The following PPARGC1A variants were observed in gnomAD, a reference collection of about 807,000 sequenced individuals.
PPARGC1A encodes peroxisome proliferator-activated receptor gamma coactivator 1-alpha.
In PPARGC1A, 25 loss-of-function variants were observed where a neutral mutation model predicts 88.7. The observed-to-expected ratio is 0.28, with a 90% CI of 0.21 to 0.39. The LOEUF (loss-of-function observed/expected upper bound fraction) is 0.39. Ranked by LOEUF, PPARGC1A falls within the 10% of genes least tolerant of loss-of-function variation. PPARGC1A has a pLI of 1.00. For missense variants in PPARGC1A, 880 were observed against 968.7 expected (o/e 0.91, Z 1.22); for synonymous variants, 363 against 355.6 (o/e 1.02, Z -0.24).
chr4:23,924,986 A>G, the PPARGC1A span, among the ~76,000 whole-genome samples: 4 of 152,254 alleles, frequency 2.6e-5, no homozygotes, highest in South Asian at 2.1e-4. Context: ...TTATCTTTTG[A>G]AAAGTATGAA....
chr4:24,434,195 C>T, the PPARGC1A span, among the ~76,000 whole-genome samples: 33 of 152,304 alleles, frequency 2.2e-4, no homozygotes, highest in African/African-American at 6.0e-4. Flanking sequence ...TTGCTATGAA[C>T]TCACCACCTC....
intron 4 of PPARGC1A, 82 bp from the exon 5 acceptor site, chr4:23,828,686 A>AT: frequency 7.7e-7 from 1 of 1,295,830 alleles, no homozygotes; most frequent in South Asian, 1.3e-5. Context: ...GAGAGATGGG[A>AT]TTTTTCAATG....
chr4:24,289,533 C>T, the PPARGC1A span, among the ~76,000 whole-genome samples: 4 of 152,204 alleles, frequency 2.6e-5, no homozygotes, highest in South Asian at 2.1e-4. Context: ...AATAACTTCA[C>T]GTGTTCATGT....
chr4:24,253,647 C>T, the PPARGC1A span, among the ~76,000 whole-genome samples: 1 of 152,184 alleles, frequency 6.6e-6, no homozygotes, highest in African/African-American at 2.4e-5. Context: ...AAAAGTGAGA[C>T]ATCTAGGACA....
chr4:23,813,570 C>T (rs986730787), intron 8 of PPARGC1A, 120 bp downstream of exon 8: 6 of 879,488 alleles, frequency 6.8e-6, no homozygotes, highest in South Asian at 5.8e-5. Flanking sequence ...CCAGCAGTGC[C>T]AGAATTGCAG....
the PPARGC1A span, among the ~76,000 whole-genome samples, chr4:24,199,957 G>A: frequency 6.6e-6 from 1 of 151,776 alleles, no homozygotes; most frequent in African/African-American, 2.4e-5. Flanking sequence ...AAAACTGAGG[G>A]GAAAACCTAC....
the PPARGC1A span, among the ~76,000 whole-genome samples, chr4:23,950,567 AT>A: frequency 6.6e-6 from 1 of 152,096 alleles, no homozygotes; most frequent in Non-Finnish European, 1.5e-5. Flanking sequence ...CAGGGTTCAA[AT>A]CCAGCTTCCT....
the PPARGC1A span, among the ~76,000 whole-genome samples, chr4:24,442,813 C>T: frequency 5.9e-5 from 9 of 152,262 alleles, no homozygotes; most frequent in African/African-American, 2.2e-4. Context: ...TAAATGTTCA[C>T]TTCTATTAAG....
chr4:24,325,895 G>C, the PPARGC1A span, among the ~76,000 whole-genome samples: 1 of 152,020 alleles, frequency 6.6e-6, no homozygotes, highest in African/African-American at 2.4e-5. Flanking sequence ...CCCAACTCTG[G>C]TGGCACCAAC....
the PPARGC1A span, among the ~76,000 whole-genome samples, chr4:24,146,692 A>G: frequency 6.6e-6 from 1 of 152,208 alleles, no homozygotes; most frequent in Non-Finnish European, 1.5e-5. Flanking sequence ...GGCCAACACC[A>G]GACCTTAACA....
chr4:24,240,038 G>T, the PPARGC1A span, among the ~76,000 whole-genome samples: 2 of 152,110 alleles, frequency 1.3e-5, no homozygotes, highest in Non-Finnish European at 2.9e-5. Flanking sequence ...AGAATGCAAG[G>T]TGTACTTTGC....
At chr4:24,064,724 A>G in the PPARGC1A span, among the ~76,000 whole-genome samples, 1 of 152,062 alleles carries the variant, frequency 6.6e-6, no homozygotes, top group African/African-American at 2.4e-5. Flanking sequence ...CAGATTTTTC[A>G]TCTACCTGAA....
At chr4:24,190,470 G>A in the PPARGC1A span, among the ~76,000 whole-genome samples, 7 of 152,128 alleles carry the variant, frequency 4.6e-5, no homozygotes, top group African/African-American at 9.6e-5. Flanking sequence ...AGCCGAGATC[G>A]CACCACTGCA....
At chr4:23,953,973 T>G in the PPARGC1A span, among the ~76,000 whole-genome samples, 1 of 152,038 alleles carries the variant, frequency 6.6e-6, no homozygotes, top group African/African-American at 2.4e-5. Flanking sequence ...CAGTTAAATT[T>G]CTTTTAAAAT....
the PPARGC1A span, among the ~76,000 whole-genome samples, chr4:24,201,055 T>C: frequency 6.6e-6 from 1 of 152,200 alleles, no homozygotes; most frequent in Non-Finnish European, 1.5e-5. Context: ...GACTCCCTAC[T>C]TCAATGAGTA....
chr4:23,986,649 C>T, the PPARGC1A span, among the ~76,000 whole-genome samples: 1 of 152,042 alleles, frequency 6.6e-6, no homozygotes, highest in Non-Finnish European at 1.5e-5. Context: ...TTGGTAGCAG[C>T]CTCTAAATTT....
the PPARGC1A span, among the ~76,000 whole-genome samples, chr4:24,211,798 A>C: frequency 6.6e-6 from 1 of 152,214 alleles, no homozygotes; most frequent in African/African-American, 2.4e-5. Flanking sequence ...TACATTTTTA[A>C]ATGAGCAAAA....
At chr4:24,337,493 G>A in the PPARGC1A span, among the ~76,000 whole-genome samples, 18 of 152,098 alleles carry the variant, frequency 1.2e-4, no homozygotes, top group Non-Finnish European at 2.5e-4. Flanking sequence ...CTGGTGGGGC[G>A]ACCAGAGCTC....
the PPARGC1A span, among the ~76,000 whole-genome samples, chr4:24,436,997 A>C: frequency 6.6e-6 from 1 of 152,250 alleles, no homozygotes; most frequent in Non-Finnish European, 1.5e-5. Context: ...AGCAGGGGGA[A>C]CACATGGGTA....
Sources: gnomAD v4.1 joint callset for allele counts (sites outside exome capture counted in the v4.1 genomes callset) on GRCh38, gnomAD v4.1.1 for gene constraint, MANE v1.5 for transcripts, NCBI Gene and HGNC (gene_info 2026-07-23, HGNC 2026-07-21) for gene names.